LYG2: variants seen among roughly 807,000 people sequenced by gnomAD.
LYG2 encodes the protein lysozyme g2.
A neutral mutation model predicts 22.4 loss-of-function variants in LYG2; 25 were observed. That is an observed-to-expected ratio of 1.12 (90% CI 0.81 to 1.56). LYG2 has a LOEUF of 1.56. LYG2 is among the 40% of genes most tolerant of loss of function. The pLI is 0.00. For synonymous variants in LYG2, 88 were observed against 97.0 expected, an observed-to-expected ratio of 0.91 and a Z score of 0.55; for missense variants, 266 against 269.5, an observed-to-expected ratio of 0.99 and a Z score of 0.09.
At chr2:99,244,962 A>C (rs1266353270) in intron 5 of LYG2, among the ~76,000 whole-genome samples, 1 of 152,000 alleles carries the variant, frequency 6.6e-6, no homozygotes, top group Non-Finnish European at 1.5e-5. Context: ...AATACAAAAA[A>C]TTAGCTGGGC....
intron 6 of LYG2, chr2:99,243,372 C>T: frequency 1.3e-6 from 2 of 1,499,144 alleles, no homozygotes; most frequent in South Asian, 2.5e-5. Context: ...CAGAGATTTC[C>T]ACTTGGATAT....
At chr2:99,249,792 A>G (rs1484068009) in intron 3 of LYG2, among the ~76,000 whole-genome samples, 3 of 150,146 alleles carry the variant, frequency 2.0e-5, no homozygotes, top group Non-Finnish European at 4.4e-5. Context: ...AAAAGAATCT[A>G]ACCACTTCTC....
the LYG2 span, among the ~76,000 whole-genome samples, chr2:99,261,141 T>C: frequency 4.0e-5 from 6 of 151,344 alleles, no homozygotes; most frequent in African/African-American, 1.5e-4. Flanking sequence ...AGGGCTGGAG[T>C]GGTCCAGGGC....
chr2:99,248,065 TA>T (rs1404409232), intron 3 of LYG2, among the ~76,000 whole-genome samples: 1 of 152,128 alleles, frequency 6.6e-6, no homozygotes, highest in Non-Finnish European at 1.5e-5. Flanking sequence ...TGGCAATCAT[TA>T]AAAAGTCAGG....
At chr2:99,242,519 A>C (rs1371824772) in intron 6 of LYG2, 37 bp from the exon 7 acceptor site, 1 of 1,398,408 alleles carries the variant, frequency 7.2e-7, no homozygotes, top group African/African-American at 1.4e-5. Context: ...TCAAATATTA[A>C]CTTTCAACAG....
intron 3 of LYG2, among the ~76,000 whole-genome samples, chr2:99,250,773 A>C (rs1386330545): frequency 6.6e-6 from 1 of 152,246 alleles, no homozygotes; most frequent in East Asian, 1.9e-4. Context: ...ATTGCTGTGG[A>C]ACACAGTTTT....
At position 99,244,072 on chromosome 2, in the gene LYG2, A is replaced by T. The variant is rs763539132; in HGVS notation, c.447T>A (p.Thr149=). 3 of 1,613,966 alleles carry T rather than the reference A, an allele frequency of 1.9e-6. No homozygotes were observed. The Admixed American group carries it at 5.0e-5, about 27-fold the overall frequency. The change falls in exon 6 of 7, where the codon ACT becomes ACA. Residue 149 remains threonine, a synonymous_variant. Coordinates refer to ENST00000333017, the MANE Select transcript of LYG2 (RefSeq NM_175735.4). ...WDSKEHLSQA[T]GILTERIKAI... ...CCTTAATTCTCTCTGTTAGAATCCC[A>T]GTAGCCTGTGAAAGGTGCTCTTTGC...
At chr2:99,260,982 G>A in the LYG2 span, among the ~76,000 whole-genome samples, 4 of 152,192 alleles carry the variant, frequency 2.6e-5, no homozygotes, top group Non-Finnish European at 5.9e-5. Flanking sequence ...CTACCCGGTA[G>A]AATTGGAGAG....
At position 99,245,319 on chromosome 2, in the gene LYG2, G is replaced by A. The variant is rs2171360; in HGVS notation, c.324C>T (p.Gly108=). The part of the protein sequence containing the change: ...IAAIISRESH[G]GSVLQDGWDH... ...CCCAGCCGTCTTGCAGGACAGATCC[G>A]CCATGGCTTTCCCTGGAGATGATGG... The change falls in exon 5 of 7, where the codon GGC becomes GGT. Residue 108 remains glycine, a synonymous_variant. Coordinates refer to ENST00000333017, the MANE Select transcript of LYG2 (RefSeq NM_175735.4). The A allele has an allele frequency of 1.1e-5, 18 of 1,612,504 alleles. 1 individual carries two copies. The highest frequency in any genetic ancestry group is 1.3e-5 in the African/African-American group (1 of 74,836).
chr2:99,249,488 C>T (rs540878344), intron 3 of LYG2, among the ~76,000 whole-genome samples: 5 of 151,116 alleles, frequency 3.3e-5, no homozygotes, highest in East Asian at 3.9e-4. Flanking sequence ...TCTGGTTGGG[C>T]GTGGTGGCTC....
chr2:99,260,120 C>A (rs537274365), upstream of LYG2, among the ~76,000 whole-genome samples: 16 of 152,180 alleles, frequency 1.1e-4, no homozygotes, highest in South Asian at 3.3e-3. Flanking sequence ...CACCACCACA[C>A]CTGGCTAATT....
In LYG2 at chr2:99,255,116, G is replaced by T. The variant is rs906890993; in HGVS notation, c.-122C>A. The T allele has an allele frequency of 3.9e-5, 6 of 152,184 alleles. No individual in the cohort carries two copies. The highest frequency in any genetic ancestry group is 1.2e-4 in the African/African-American group (5 of 41,430). 9.4% of individuals were successfully genotyped at this position (152,184 alleles called of 1,614,324 possible). A position where few individuals can be genotyped will look rare whatever the true frequency, so the allele number is the denominator to read the frequency against. On this transcript the variant is annotated 5_prime_UTR_variant, in exon 2 of 7. Coordinates refer to ENST00000333017, the MANE Select transcript of LYG2 (RefSeq NM_175735.4). ...GCACTTCAAGCTTTTACAAAGCGAC[G>T]GCCTTTGTCCTGTAACATAGGCTTA...
chr2:99,260,263 A>C (rs1213254295), upstream of LYG2, among the ~76,000 whole-genome samples: 2 of 152,168 alleles, frequency 1.3e-5, no homozygotes, highest in African/African-American at 4.8e-5. Flanking sequence ...GTGCCCGGCC[A>C]AGTAAGCTAT....
intron 5 of LYG2, 109 bp from the exon 6 acceptor site, chr2:99,244,246 C>A: frequency 9.4e-7 from 1 of 1,061,502 alleles, no homozygotes; most frequent in Non-Finnish European, 1.3e-6. Flanking sequence ...GCCTTTATCC[C>A]CAAAGAGTCA....
chr2:99,244,820 T>C (rs543532384), intron 5 of LYG2, among the ~76,000 whole-genome samples: 36 of 152,244 alleles, frequency 2.4e-4, no homozygotes, highest in Non-Finnish European at 4.1e-4. Flanking sequence ...GATCAAATTA[T>C]GCTGGAGTGG....
intron 3 of LYG2, 106 bp downstream of exon 3, chr2:99,254,112 C>A (rs2094031729): frequency 2.1e-6 from 2 of 975,282 alleles, no homozygotes; most frequent in African/African-American, 1.6e-5. Flanking sequence ...AGAATGAGAG[C>A]CCACTCTTCC....
intron 1 of LYG2, among the ~76,000 whole-genome samples, 145 bp downstream of exon 1, chr2:99,255,458 T>G (rs1005803209): frequency 6.6e-6 from 1 of 152,212 alleles, no homozygotes; most frequent in Non-Finnish European, 1.5e-5. Context: ...CCCAAGTTGC[T>G]CAGGAGGCAT....
chr2:99,253,831 C>G (rs1488391418), intron 3 of LYG2, among the ~76,000 whole-genome samples: 2 of 152,162 alleles, frequency 1.3e-5, no homozygotes, highest in Non-Finnish European at 2.9e-5. Context: ...CTTTCCCAGA[C>G]TAGTGCTTTT....
chr2:99,256,879 G>A (rs2094037341), upstream of LYG2, among the ~76,000 whole-genome samples: 1 of 152,152 alleles, frequency 6.6e-6, no homozygotes, highest in African/African-American at 2.4e-5. Flanking sequence ...AGGTTCCTAT[G>A]GATATTATAT....
Sources: gnomAD v4.1 joint callset for allele counts (sites outside exome capture counted in the v4.1 genomes callset) on GRCh38, gnomAD v4.1.1 for gene constraint, MANE v1.5 for transcripts, NCBI Gene and HGNC (gene_info 2026-07-23, HGNC 2026-07-21) for gene names.